LRRC4C: variants seen among roughly 807,000 people sequenced by gnomAD.
LRRC4C encodes leucine rich repeat containing 4C.
In LRRC4C, 5 loss-of-function variants were observed where a neutral mutation model predicts 33.6. That is an observed-to-expected ratio of 0.15 (90% CI 0.08 to 0.31). The LOEUF (loss-of-function observed/expected upper bound fraction) is 0.31, where lower values mean the gene tolerates loss of function less well. LRRC4C is among the 10% of genes least tolerant of loss of function. The pLI, the probability that LRRC4C is intolerant of heterozygous loss-of-function variation, is 1.00. For missense variants in LRRC4C, 560 were observed against 796.7 expected, an observed-to-expected ratio of 0.70 and a Z score of 3.58; for synonymous variants, 329 against 302.0, an observed-to-expected ratio of 1.09 and a Z score of -0.93.
intron 1 of LRRC4C, among the ~76,000 whole-genome samples, chr11:41,384,478 T>C (rs1953278361): frequency 6.6e-6 from 1 of 151,670 alleles, no homozygotes; most frequent in Non-Finnish European, 1.5e-5. Flanking sequence ...GAAATAGCAA[T>C]CTTATCTTGT....
At chr11:41,415,955 A>G (rs1207854306) in intron 1 of LRRC4C, among the ~76,000 whole-genome samples, 3 of 152,024 alleles carry the variant, frequency 2.0e-5, no homozygotes, top group South Asian at 2.1e-4. Flanking sequence ...AGATGTTAGC[A>G]GAGAACTCTG....
chr11:40,844,633 G>C (rs1565125376), intron 2 of LRRC4C, among the ~76,000 whole-genome samples: 1 of 152,152 alleles, frequency 6.6e-6, no homozygotes, highest in Non-Finnish European at 1.5e-5. Context: ...CCTGTATCTA[G>C]AGTTTTAGTG....
chr11:41,158,814 G>GA (rs995843230), intron 1 of LRRC4C, among the ~76,000 whole-genome samples: 8 of 151,838 alleles, frequency 5.3e-5, no homozygotes, highest in Admixed American at 3.3e-4. Flanking sequence ...CAATAGATAG[G>GA]AAAAAATATA....
chr11:41,242,422 C>T (rs1238659359), intron 1 of LRRC4C, among the ~76,000 whole-genome samples: 1 of 152,038 alleles, frequency 6.6e-6, no homozygotes, highest in Non-Finnish European at 1.5e-5. Flanking sequence ...GTCAGCAGGT[C>T]CATCTGTGGA....
rs1247481018 is a variant in LRRC4C at position 40,587,763 on chromosome 11, T to C, written c.-270+60379A>G. Among the ~76,000 whole-genome samples the C allele has an allele frequency of 6.6e-5, 10 of 152,252 alleles. No homozygotes were observed. In the South Asian group the frequency reaches 1.9e-3, roughly 28 times the overall value. ...TGGTTTTTGTCTTTGGCTCTGTTTA[T>C]ATGCTGGATTACATGTATTGATTTG... On this transcript the variant is annotated intron_variant, in intron 3 of 6. Coordinates refer to ENST00000528697, the MANE Select transcript of LRRC4C (RefSeq NM_001258419.2).
In LRRC4C at chr11:40,678,480, T is replaced by C. The variant is rs574273776; in HGVS notation, c.-406-30202A>G. Among the ~76,000 whole-genome samples the C allele has an allele frequency of 3.3e-5, 5 of 152,310 alleles. No homozygotes were observed. In the South Asian group the frequency reaches 1.0e-3, roughly 32 times the overall value. The stretch of plus-strand genomic sequence containing the variant: ...GGATTACGTATTCTATATTATTTTA[T>C]TCTAATATGATATGGTTTGGCTGTG... On this transcript the variant is annotated intron_variant, in intron 2 of 6. Coordinates refer to ENST00000528697, the MANE Select transcript of LRRC4C (RefSeq NM_001258419.2).
intron 2 of LRRC4C, among the ~76,000 whole-genome samples, chr11:40,897,115 A>G (rs2136155851): frequency 6.6e-6 from 1 of 152,322 alleles, no homozygotes; most frequent in Non-Finnish European, 1.5e-5. Context: ...CACTAAATGC[A>G]TTTTAAATTT....
intron 5 of LRRC4C, among the ~76,000 whole-genome samples, chr11:40,191,409 T>C (rs1861832334): frequency 6.6e-6 from 1 of 152,232 alleles, no homozygotes; most frequent in South Asian, 2.1e-4. Flanking sequence ...ATAATATAAC[T>C]TCTTTGTGCC....
At chr11:41,239,555 C>T (rs1448699554) in intron 1 of LRRC4C, among the ~76,000 whole-genome samples, 2 of 152,062 alleles carry the variant, frequency 1.3e-5, no homozygotes, top group Non-Finnish European at 2.9e-5. Context: ...TAGGTAGATG[C>T]AGGTCTCTTT....
chr11:40,968,202 G>A (rs2136955760), intron 1 of LRRC4C, among the ~76,000 whole-genome samples: 1 of 152,194 alleles, frequency 6.6e-6, no homozygotes, highest in African/African-American at 2.4e-5. Context: ...TTAAGCCAAA[G>A]CTTAGCCCAG....
chr11:40,382,560 T>A (rs936084895), intron 3 of LRRC4C, among the ~76,000 whole-genome samples: 1 of 151,830 alleles, frequency 6.6e-6, no homozygotes, highest in Non-Finnish European at 1.5e-5. Context: ...ACACTTAACC[T>A]AAGATCTACT....
At chr11:40,882,794 A>G (rs1260711784) in intron 2 of LRRC4C, among the ~76,000 whole-genome samples, 3 of 152,080 alleles carry the variant, frequency 2.0e-5, no homozygotes, top group African/African-American at 7.2e-5. Flanking sequence ...TCTTGAAATA[A>G]AATGGAGTTG....
chr11:40,532,241 A>C (rs912996960), intron 3 of LRRC4C, among the ~76,000 whole-genome samples: 7 of 151,656 alleles, frequency 4.6e-5, no homozygotes, highest in African/African-American at 1.2e-4. Context: ...ATAATATGTT[A>C]CACAGATTTA....
intron 1 of LRRC4C, among the ~76,000 whole-genome samples, chr11:41,016,734 G>T (rs1220163299): frequency 6.6e-6 from 1 of 152,070 alleles, no homozygotes; most frequent in Non-Finnish European, 1.5e-5. Flanking sequence ...AGAATCAGAG[G>T]TTAAATCCCT....
At position 40,166,240 on chromosome 11, in the gene LRRC4C, A is replaced by C. The variant is rs563073420; in HGVS notation, c.-95-25387T>G. On this transcript the variant is annotated intron_variant, in intron 5 of 6. Transcript: ENST00000528697. ...CCCAATCCCCATTCAATGAACAGAT[A>C]CACTGTGGTATTTGCACCAATGGAA... is the stretch of plus-strand genomic sequence containing the variant. Among the ~76,000 whole-genome samples, 7 of 152,338 alleles carry C rather than the reference A, an allele frequency of 4.6e-5. No individual in the cohort carries two copies. The East Asian group carries it at 1.4e-3, about 29-fold the overall frequency.
intron 1 of LRRC4C, among the ~76,000 whole-genome samples, chr11:41,458,016 A>G (rs1003130600): frequency 6.6e-6 from 1 of 152,128 alleles, no homozygotes; most frequent in Non-Finnish European, 1.5e-5. Flanking sequence ...ATATATATAT[A>G]TAATCAACGT....
chr11:41,121,488 G>A (rs982008792), intron 1 of LRRC4C, among the ~76,000 whole-genome samples: 5 of 151,850 alleles, frequency 3.3e-5, no homozygotes, highest in African/African-American at 4.8e-5. Flanking sequence ...TATTTCCAAC[G>A]CCTTCCCCTT....
At chr11:41,093,053 C>T (rs910181701) in intron 1 of LRRC4C, among the ~76,000 whole-genome samples, 8 of 152,060 alleles carry the variant, frequency 5.3e-5, no homozygotes, top group East Asian at 1.9e-4. Context: ...TATGTTTCTT[C>T]GAAAATATAC....
intron 3 of LRRC4C, among the ~76,000 whole-genome samples, chr11:40,525,021 G>T (rs1955981913): frequency 6.6e-6 from 1 of 151,876 alleles, no homozygotes; most frequent in African/African-American, 2.4e-5. Context: ...GTGATTAGCT[G>T]TGTGAGAGGC....
Sources: allele counts gnomAD v4.1 joint callset (sites outside exome capture counted in the v4.1 genomes callset), GRCh38; gene constraint gnomAD v4.1.1; transcripts MANE v1.5; gene names NCBI Gene and HGNC (gene_info 2026-07-23, HGNC 2026-07-21).